Variants in SLC25A21 observed in about 807,000 individuals in gnomAD.
SLC25A21 encodes the protein mitochondrial 2-oxodicarboxylate carrier.
SLC25A21 carries 47 observed loss-of-function variants against 43.8 expected under a neutral mutation model. The ratio of observed to expected loss-of-function variants is 1.07; its 90% CI spans 0.85 to 1.37. The LOEUF (loss-of-function observed/expected upper bound fraction) is 1.37. Among genes scored for constraint, SLC25A21 ranks in the 40% most tolerant of loss-of-function variants. The pLI, the probability that SLC25A21 is intolerant of heterozygous loss-of-function variation, is 0.00. For synonymous variants in SLC25A21, 131 were observed against 121.3 expected, an observed-to-expected ratio of 1.08 and a Z score of -0.52; for missense variants, 352 against 350.2, an observed-to-expected ratio of 1.00 and a Z score of -0.04.
At chr14:37,118,993 T>A (rs1963156149) in intron 1 of SLC25A21, among the ~76,000 whole-genome samples, 1 of 152,078 alleles carries the variant, frequency 6.6e-6, no homozygotes, top group Non-Finnish European at 1.5e-5. Flanking sequence ...AGCATGCAGT[T>A]AAGAAGCTGG....
chr14:36,925,522 T>TA, intron 1 of SLC25A21, among the ~76,000 whole-genome samples: 1 of 152,238 alleles, frequency 6.6e-6, no homozygotes, highest in Admixed American at 6.5e-5. Flanking sequence ...CATCAAAAAG[T>TA]ACAAGAACCC....
chr14:36,825,157 T>C (rs192252095), intron 2 of SLC25A21, among the ~76,000 whole-genome samples: 2 of 152,334 alleles, frequency 1.3e-5, no homozygotes, highest in East Asian at 3.9e-4. Context: ...CCATGGGGCT[T>C]ACTTATTTCC....
chr14:37,138,604 A>G (rs1963521381), intron 1 of SLC25A21, among the ~76,000 whole-genome samples: 1 of 152,080 alleles, frequency 6.6e-6, no homozygotes, highest in Non-Finnish European at 1.5e-5. Flanking sequence ...TTGTCTTTGG[A>G]CAATATCTCT....
intron 1 of SLC25A21, among the ~76,000 whole-genome samples, chr14:37,032,159 T>G (rs1313414307): frequency 1.3e-5 from 2 of 152,192 alleles, no homozygotes; most frequent in African/African-American, 4.8e-5. Context: ...ATATTACATA[T>G]AAATCACAAG....
Position 36,906,646 on chromosome 14 carries a change from C to G in SLC25A21, c.71-31642G>C, listed in dbSNP as rs181220576. Among the ~76,000 whole-genome samples the G allele has an allele frequency of 6.1e-3, 927 of 152,044 alleles. 11 individuals carry two copies. The highest frequency in any genetic ancestry group is 0.021 in the African/African-American group (889 of 41,462). On this transcript the variant is annotated intron_variant, in intron 1 of 9. Coordinates refer to ENST00000331299, the MANE Select transcript of SLC25A21 (RefSeq NM_030631.4). ...TCAGGCTCCCAAGTAGCTGGGATTA[C>G]AGACATGCGCCACCACACCCAGCTA...
chr14:37,147,061 G>GACGT (rs1963678638), intron 1 of SLC25A21, among the ~76,000 whole-genome samples: 2 of 152,098 alleles, frequency 1.3e-5, no homozygotes. Flanking sequence ...ATTGCACAAG[G>GACGT]ACGTACTAGG....
intron 2 of SLC25A21, among the ~76,000 whole-genome samples, chr14:36,831,635 C>CTGTA (rs1889044185): frequency 1.3e-5 from 2 of 152,072 alleles, no homozygotes; most frequent in Non-Finnish European, 2.9e-5. Context: ...TGTACAGTCC[C>CTGTA]ACGTTACTTC....
chr14:37,060,605 C>CCACACA (rs10560891), intron 1 of SLC25A21, among the ~76,000 whole-genome samples: 9,093 of 149,116 alleles, frequency 0.061, 405 homozygotes, highest in African/African-American at 0.13. Context: ...CCATTAAACA[C>CCACACA]CACACACACA....
At chr14:36,801,964 C>T (rs1403695528) in intron 3 of SLC25A21, among the ~76,000 whole-genome samples, 2 of 152,182 alleles carry the variant, frequency 1.3e-5, no homozygotes, top group African/African-American at 4.8e-5. Flanking sequence ...TGCCATTCAG[C>T]ATCATTTGCC....
intron 1 of SLC25A21, among the ~76,000 whole-genome samples, chr14:37,039,025 C>T (rs1412550091): frequency 1.3e-5 from 2 of 152,166 alleles, no homozygotes; most frequent in African/African-American, 2.4e-5. Context: ...GTTTTAGTTA[C>T]TTCCAATACC....
intron 1 of SLC25A21, among the ~76,000 whole-genome samples, chr14:36,943,578 G>A (rs367558999): frequency 2.6e-5 from 4 of 152,234 alleles, no homozygotes; most frequent in African/African-American, 9.6e-5. Context: ...TCACACTATT[G>A]GAGGGCTGCT....
chr14:36,763,230 G>A (rs757126505), intron 3 of SLC25A21, among the ~76,000 whole-genome samples: 22 of 152,188 alleles, frequency 1.4e-4, no homozygotes, highest in Non-Finnish European at 2.9e-4. Context: ...CAGAGGCCCA[G>A]ATCTGAGTTT....
chr14:37,095,089 AAAAT>A (rs748777449), intron 1 of SLC25A21, among the ~76,000 whole-genome samples: 12 of 152,258 alleles, frequency 7.9e-5, no homozygotes, highest in African/African-American at 1.2e-4. Flanking sequence ...TTTATCAATT[AAAAT>A]AAATAAATAT....
chr14:36,857,334 G>A (rs1043637028), intron 2 of SLC25A21, among the ~76,000 whole-genome samples: 3 of 152,110 alleles, frequency 2.0e-5, no homozygotes, highest in East Asian at 1.9e-4. Flanking sequence ...GCAGCACTGC[G>A]GGAGTCTCTA....
At chr14:36,935,730 T>C (rs1394357802) in intron 1 of SLC25A21, among the ~76,000 whole-genome samples, 1 of 152,168 alleles carries the variant, frequency 6.6e-6, no homozygotes, top group African/African-American at 2.4e-5. Flanking sequence ...ATCTTTCAAG[T>C]ACTATCGTGA....
intron 1 of SLC25A21, among the ~76,000 whole-genome samples, chr14:36,918,213 C>T (rs1891884596): frequency 6.6e-6 from 1 of 152,134 alleles, no homozygotes; most frequent in Non-Finnish European, 1.5e-5. Context: ...TTTCAAAAAA[C>T]CTGAAACATC....
intron 1 of SLC25A21, among the ~76,000 whole-genome samples, chr14:37,148,865 A>G (rs1464974260): frequency 6.6e-6 from 1 of 152,230 alleles, no homozygotes; most frequent in Non-Finnish European, 1.5e-5. Flanking sequence ...CTCTTTGCAG[A>G]GTGAAATGGA....
intron 1 of SLC25A21, among the ~76,000 whole-genome samples, chr14:37,076,181 G>A (rs1962277173): frequency 6.6e-6 from 1 of 152,008 alleles, no homozygotes; most frequent in African/African-American, 2.4e-5. Context: ...TTTTTTTTAA[G>A]ACAGAGTCCA....
At chr14:36,809,236 G>C (rs887127384) in intron 3 of SLC25A21, 6 of 152,126 alleles carry the variant, frequency 3.9e-5, no homozygotes, top group African/African-American at 9.7e-5. Flanking sequence ...TGTCAAACCA[G>C]ACACAGATGA....
Sources: allele counts gnomAD v4.1 joint callset (sites outside exome capture counted in the v4.1 genomes callset), GRCh38; gene constraint gnomAD v4.1.1; transcripts MANE v1.5; gene names NCBI Gene and HGNC (gene_info 2026-07-23, HGNC 2026-07-21).